Variants in APOE observed in about 807,000 individuals in gnomAD.
The protein encoded by APOE is apolipoprotein E3.
Under a neutral mutation model 13.1 loss-of-function variants are expected in APOE, and 10 were observed. That is an observed-to-expected ratio of 0.76 (90% CI 0.47 to 1.29). The LOEUF (loss-of-function observed/expected upper bound fraction) is 1.29. Among genes scored for constraint, APOE ranks in the 50% most tolerant of loss-of-function variants. The pLI is 0.00. For missense variants in APOE, 471 were observed against 459.6 expected (o/e 1.02, Z -0.23); for synonymous variants, 211 against 207.1 (o/e 1.02, Z -0.16).
chr19:44,907,645 T>A lies in APOE; in HGVS notation c.44-115T>A. 1 of 898,612 alleles carries A rather than the reference T, an allele frequency of 1.1e-6. No homozygotes were observed. Among genetic ancestry groups the A allele is most frequent in the Non-Finnish European group, 1.8e-6 (1 of 566,666 alleles). The allele number at this position is 898,612 out of a possible 1,614,324, so 55.7% of individuals were successfully genotyped here. The stretch of plus-strand genomic sequence containing the variant: ...GATTAAACCGACTCCCCCCTCACCC[T>A]GCCCACCATGGCTCCAAAGAAGCAT... On this transcript the variant is annotated intron_variant, in intron 2 of 3. Transcript: ENST00000252486. This position sits in a 1 kb window ranked among gnomAD's most constrained non-coding sequence, Gnocchi z 4.1.
In APOE at chr19:44,909,182, G is replaced by T. The variant is rs757764781; in HGVS notation, c.886G>T (p.Gly296Trp). The change falls in exon 4 of 4, where the codon GGG (glycine) becomes TGG (tryptophan). Residue 296 changes from glycine to tryptophan, a missense_variant. Gly to Trp is a radical substitution (Grantham distance 184). Transcript: ENST00000252486. ...LVEDMQRQWA[G>W]LVEKVQAAVG... ...GGAAGACATGCAGCGCCAGTGGGCC[G>T]GGCTGGTGGAGAAGGTGCAGGCTGC... is the stretch of plus-strand genomic sequence containing the variant. 68 of 1,599,276 alleles carry T rather than the reference G, an allele frequency of 4.3e-5. No individual in the cohort carries two copies. The highest frequency in any genetic ancestry group is 4.8e-5 in the Non-Finnish European group (57 of 1,178,880).
At position 44,907,865 on chromosome 19, in the gene APOE, G is replaced by T. The variant is rs762461580; in HGVS notation, c.149G>T (p.Arg50Leu). ...CAGCGCTGGGAACTGGCACTGGGTC[G>T]CTTTTGGGATTACCTGCGCTGGGTG... ...SGQRWELALG[R>L]FWDYLRWVQT... Residue 50 changes from arginine to leucine, a missense_variant, in exon 3 of 4, where the codon CGC becomes CTC. Coordinates refer to ENST00000252486, the MANE Select transcript of APOE (RefSeq NM_000041.4). This position sits in a 1 kb window ranked among gnomAD's most constrained non-coding sequence, Gnocchi z 4.1. 6.2e-7 allele frequency: 1 copy of T among 1,614,034 alleles called. No individual in the cohort carries two copies. Among genetic ancestry groups the T allele is most frequent in the Non-Finnish European group, 8.5e-7 (1 of 1,179,938 alleles).
chr19:44,906,483 C>G (rs544583447), intron 1 of APOE, 119 bp from the exon 2 acceptor site: 1 of 1,001,760 alleles, frequency 1.0e-6, no homozygotes, highest in African/African-American at 1.6e-5. Context: ...TGGGATTAGG[C>G]TGTTGCAGAT....
chr19:44,905,825 T>TC lies in APOE; in HGVS notation c.-38dup. ...TCAGCCCCAGCGGAGGTGAAGGACG[T>TC]CCTTCCCCAGGAGCCGGTGAGAAGC... On this transcript the variant is annotated 5_prime_UTR_variant, in exon 1 of 4. Coordinates refer to ENST00000252486, the MANE Select transcript of APOE (RefSeq NM_000041.4). 1 of 1,296,082 alleles carries TC rather than the reference T, an allele frequency of 7.7e-7. No homozygotes were observed. The highest frequency in any genetic ancestry group is 1.2e-5 in the South Asian group (1 of 80,590). The allele number at this position is 1,296,082 out of a possible 1,614,324, so 80.3% of individuals were successfully genotyped here.
chr19:44,906,409 AG>A, intron 1 of APOE, 192 bp from the exon 2 acceptor site: 1 of 623,652 alleles, frequency 1.6e-6, no homozygotes, highest in Non-Finnish European at 2.9e-6. Context: ...GGGGATGGGG[AG>A]ATAAGAGAAG....
rs1210528652 is a variant in APOE, at chr19:44,908,665, C to G, written c.369C>G (p.Gly123=). The G allele has an allele frequency of 6.3e-7, 1 of 1,582,454 alleles. No individual in the cohort carries two copies. The change falls in exon 4 of 4, where the codon GGC becomes GGG. Residue 123 remains glycine, a synonymous_variant. Coordinates refer to ENST00000252486, the MANE Select transcript of APOE (RefSeq NM_000041.4). ...KELQAAQARL[G]ADMEDVCGRL... ...TGCAGGCGGCGCAGGCCCGGCTGGG[C>G]GCGGACATGGAGGACGTGTGCGGCC...
At position 44,906,874 on chromosome 19, in the gene APOE, T is replaced by TTTG. The variant is rs374670655; in HGVS notation, c.43+219_43+221dup. On this transcript the variant is annotated intron_variant, in intron 2 of 3. Transcript: ENST00000252486. ...GTTAGAAGTTGTTTTGTTGTTGTTGTTTGTTGTTGTTGTTTTGTTTTTTTG... is the reference window on the plus strand; with the variant it reads ...GTTAGAAGTTGTTTTGTTGTTGTTGTTTGTTGTTGTTGTTGTTTTGTTTTTTTG... The TTTG allele has an allele frequency of 1.8e-4, 110 of 601,540 alleles. No homozygotes were observed. In the East Asian group the frequency reaches 2.7e-3, roughly 15 times the overall value. 37.3% of individuals were successfully genotyped at this position (601,540 alleles called of 1,614,324 possible).
At chr19:44,906,536 T>A in intron 1 of APOE, 66 bp from the exon 2 acceptor site, 1 of 1,579,346 alleles carries the variant, frequency 6.3e-7, no homozygotes, top group South Asian at 1.1e-5. Context: ...TGAGGCCGGG[T>A]TGGGGCCGGG....
intron 3 of APOE, 50 bp downstream of exon 3, chr19:44,908,002 T>C (rs12982192): frequency 2.9e-4 from 450 of 1,558,926 alleles, no homozygotes; most frequent in Non-Finnish European, 3.9e-4. Flanking sequence ...CGGCTATACC[T>C]CCCCAGGTCC....
rs1599954804 is a variant in APOE, at chr19:44,909,218, A to C, written c.922A>C (p.Ser308Arg). The C allele has an allele frequency of 6.3e-7, 1 of 1,596,804 alleles. No individual in the cohort carries two copies. The highest frequency in any genetic ancestry group is 8.5e-7 in the Non-Finnish European group (1 of 1,178,986). Residue 308 changes from serine (S) to arginine (R), a missense_variant, in exon 4 of 4, where the codon AGC becomes CGC. Coordinates refer to ENST00000252486, the MANE Select transcript of APOE (RefSeq NM_000041.4). The part of the protein sequence containing the change: ...VEKVQAAVGT[S>R]AAPVPSDNH ...GAAGGTGCAGGCTGCCGTGGGCACC[A>C]GCGCCGCCCCTGTGCCCAGCGACAA...
Position 44,908,851 on chromosome 19 carries a change from C to G in APOE, c.555C>G (p.Arg185=), listed in dbSNP as rs781722239. The change falls in exon 4 of 4, where the codon CGC becomes CGG. Residue 185 remains arginine (R), a synonymous_variant. Coordinates refer to ENST00000252486, the MANE Select transcript of APOE (RefSeq NM_000041.4). ...KRLAVYQAGA[R]EGAERGLSAI... ...TGGCAGTGTACCAGGCCGGGGCCCG[C>G]GAGGGCGCCGAGCGCGGCCTCAGCG... 1 of 1,524,964 alleles carries G rather than the reference C, an allele frequency of 6.6e-7. No homozygotes were observed. Among genetic ancestry groups the G allele is most frequent in the African/African-American group, 1.4e-5 (1 of 72,126 alleles). 94.5% of individuals were successfully genotyped at this position (1,524,964 alleles called of 1,614,324 possible).
chr19:44,908,924 G>T lies in APOE; in HGVS notation c.628G>T (p.Ala210Ser). The T allele has an allele frequency of 1.3e-6, 2 of 1,482,126 alleles. No homozygotes were observed. The highest frequency in any genetic ancestry group is 1.8e-6 in the Non-Finnish European group (2 of 1,124,330). 91.8% of individuals were successfully genotyped at this position (1,482,126 alleles called of 1,614,324 possible). ...CCTGGTGGAACAGGGCCGCGTGCGG[G>T]CCGCCACTGTGGGCTCCCTGGCCGG... ...GPLVEQGRVR[A>S]ATVGSLAGQP... The change falls in exon 4 of 4, where the codon GCC (alanine) becomes TCC (serine). Residue 210 changes from alanine (A) to serine (S), a missense_variant. Ala to Ser is a moderately conservative substitution (Grantham distance 99). Transcript: ENST00000252486.
intron 3 of APOE, among the ~76,000 whole-genome samples, chr19:44,908,301 G>T (rs547430399): frequency 1.8e-4 from 27 of 152,230 alleles, no homozygotes; most frequent in African/African-American, 6.0e-4. Flanking sequence ...CTCCCAAAGT[G>T]CTGGGATTAG....
chr19:44,907,957 G>A lies in APOE; in HGVS notation c.236+5G>A, dbSNP rs201735361. Reference sequence around the variant, plus strand: ...CCAGGTCACCCAGGAACTGAGGTGAGTGTCCCCATCCTGGCCCTTGACCCT... The same window carrying A: ...CCAGGTCACCCAGGAACTGAGGTGAATGTCCCCATCCTGGCCCTTGACCCT... On this transcript the variant is annotated splice_donor_5th_base_variant and intron_variant, in intron 3 of 3. Transcript: ENST00000252486. The surrounding 1 kb of genome is among the most constrained non-coding windows in gnomAD (Gnocchi z 4.1). The A allele has an allele frequency of 2.5e-6, 4 of 1,612,726 alleles. No individual in the cohort carries two copies. In the African/African-American group the frequency reaches 4.0e-5, roughly 16 times the overall value.
rs553197505 is a variant in APOE at position 44,905,832 on chromosome 19, C to T, written c.-33C>T. 1.1e-4 allele frequency: 145 copies of T among 1,296,494 alleles called. 1 individual carries two copies. Among genetic ancestry groups the T allele is most frequent in the South Asian group, 2.1e-4 (17 of 80,592 alleles). The allele number at this position is 1,296,494 out of a possible 1,614,324, so 80.3% of individuals were successfully genotyped here. On this transcript the variant is annotated 5_prime_UTR_variant, in exon 1 of 4. Coordinates refer to ENST00000252486, the MANE Select transcript of APOE (RefSeq NM_000041.4). ...CAGCGGAGGTGAAGGACGTCCTTCC[C>T]CAGGAGCCGGTGAGAAGCGCAGTCG...
chr19:44,907,715 C>A lies in APOE; in HGVS notation c.44-45C>A. The A allele has an allele frequency of 6.5e-7, 1 of 1,542,470 alleles. No individual in the cohort carries two copies. Among genetic ancestry groups the A allele is most frequent in the Non-Finnish European group, 8.8e-7 (1 of 1,139,864 alleles). On this transcript the variant is annotated intron_variant, in intron 2 of 3. Coordinates refer to ENST00000252486, the MANE Select transcript of APOE (RefSeq NM_000041.4). The surrounding 1 kb of genome is among the most constrained non-coding windows in gnomAD (Gnocchi z 4.1). ...TGCCCCTAGGTACTAGATGCCTGGA[C>A]GGGGTCAGAAGGACCCTGACCCACC...
Position 44,905,838 on chromosome 19 carries a change from G to A in APOE, c.-27G>A. ...AGGTGAAGGACGTCCTTCCCCAGGA[G>A]CCGGTGAGAAGCGCAGTCGGGGGCA... On this transcript the variant is annotated 5_prime_UTR_variant, in exon 1 of 4. Transcript: ENST00000252486. 1.5e-6 allele frequency: 2 copies of A among 1,295,154 alleles called. No homozygotes were observed. The highest frequency in any genetic ancestry group is 2.0e-6 in the Non-Finnish European group (2 of 985,386). The allele number at this position is 1,295,154 out of a possible 1,614,324, so 80.2% of individuals were successfully genotyped here. A position where few individuals can be genotyped will look rare whatever the true frequency, so the allele number is the denominator to read the frequency against.
At position 44,909,029 on chromosome 19, in the gene APOE, G is replaced by A. The variant is rs1334498236; in HGVS notation, c.733G>A (p.Asp245Asn). ...RMEEMGSRTR[D>N]RLDEVKEQVA... ...GGAGGAGATGGGCAGCCGGACCCGCGACCGCCTGGACGAGGTGAAGGAGCA... is the reference window on the plus strand; with the variant it reads ...GGAGGAGATGGGCAGCCGGACCCGCAACCGCCTGGACGAGGTGAAGGAGCA... The change falls in exon 4 of 4, where the codon GAC becomes AAC. Residue 245 changes from aspartate (D) to asparagine (N), a missense_variant. Transcript: ENST00000252486. The A allele has an allele frequency of 6.5e-7, 1 of 1,543,558 alleles. No individual in the cohort carries two copies. Among genetic ancestry groups the A allele is most frequent in the South Asian group, 1.2e-5 (1 of 84,556 alleles).
chr19:44,906,941 C>T (rs1488788938), intron 2 of APOE: 2 of 491,538 alleles, frequency 4.1e-6, no homozygotes, highest in African/African-American at 2.0e-5. Context: ...AGTGCAGTGG[C>T]GGGATCTCGG....
Sources: allele counts gnomAD v4.1 joint callset (sites outside exome capture counted in the v4.1 genomes callset), GRCh38; gene constraint gnomAD v4.1.1; non-coding constraint Gnocchi (gnomAD v3.1); transcripts MANE v1.5; gene names NCBI Gene and HGNC (gene_info 2026-07-23, HGNC 2026-07-21).